The following HNRNPF variants were observed in gnomAD, a reference collection of about 807,000 sequenced individuals.
HNRNPF encodes heterogeneous nuclear ribonucleoprotein F, also known as HnRNP F protein.
HNRNPF carries 2 observed loss-of-function variants against 26.0 expected under a neutral mutation model. The ratio of observed to expected loss-of-function variants is 0.08; its 90% CI spans 0.03 to 0.24. HNRNPF has a LOEUF of 0.24. Among genes scored for constraint, HNRNPF ranks in the 10% least tolerant of loss-of-function variants. The pLI is 1.00. For missense variants in HNRNPF, 299 were observed against 539.2 expected, an observed-to-expected ratio of 0.55 and a Z score of 4.41; for synonymous variants, 234 against 211.5, an observed-to-expected ratio of 1.11 and a Z score of -0.92.
At position 43,397,660 on chromosome 10, in the gene HNRNPF, T is replaced by A. The variant is rs554449436; in HGVS notation, c.-246-1070A>T. Among the ~76,000 whole-genome samples, 368 of 152,222 alleles carry A rather than the reference T, an allele frequency of 2.4e-3. 2 individuals carry two copies. Among genetic ancestry groups the A allele is most frequent in the African/African-American group, 7.6e-3 (315 of 41,528 alleles). On this transcript the variant is annotated intron_variant, in intron 1 of 3. Coordinates refer to ENST00000682386, the MANE Select transcript of HNRNPF (RefSeq NM_001098204.2). The stretch of plus-strand genomic sequence containing the variant: ...TTGAAAAAAAATCTTTGAAAAAAAA[T>A]TTTTTTAACGCAATTCCTAAACTTT...
chr10:43,387,305 A>G lies in HNRNPF; in HGVS notation c.580T>C (p.Tyr194His), dbSNP rs1392471316. 2 of 1,614,088 alleles carry G rather than the reference A, an allele frequency of 1.2e-6. No individual in the cohort carries two copies. The highest frequency in any genetic ancestry group is 1.7e-6 in the Non-Finnish European group (2 of 1,180,046). ...ATGAACTTCAGAGGGGGATCTGAGT[A>G]TGACCTAACTTCCTCCTGGCTGCTC... ...FKSSQEEVRS[Y>H]SDPPLKFMSV... Residue 194 changes from tyrosine to histidine, a missense_variant, in exon 4 of 4, where the codon TAC becomes CAC. Coordinates refer to ENST00000682386, the MANE Select transcript of HNRNPF (RefSeq NM_001098204.2). This position sits in a 1 kb window ranked among gnomAD's most constrained non-coding sequence, Gnocchi z 6.0.
chr10:43,408,545 C>G (rs552888428), intron 1 of HNRNPF, among the ~76,000 whole-genome samples: 1 of 152,218 alleles, frequency 6.6e-6, no homozygotes, highest in Non-Finnish European at 1.5e-5. Flanking sequence ...ATCCCAGCCC[C>G]AGCCCAACGA....
intron 3 of HNRNPF, among the ~76,000 whole-genome samples, chr10:43,390,943 A>C (rs1838219891): frequency 6.6e-6 from 1 of 151,928 alleles, no homozygotes; most frequent in Non-Finnish European, 1.5e-5. Flanking sequence ...CTGACAACCG[A>C]ATGTCTCCAG....
Position 43,387,196 on chromosome 10 carries a change from C to T in HNRNPF, c.689G>A (p.Arg230Lys). The change falls in exon 4 of 4, where the codon AGG becomes AAG. Residue 230 changes from arginine to lysine, a missense_variant. Around this residue, in one of 6 missense-constraint regions of HNRNPF, gnomAD observed 74 missense variants for 77.7 expected, o/e 0.95. Transcript: ENST00000682386. This position sits in a 1 kb window ranked among gnomAD's most constrained non-coding sequence, Gnocchi z 6.0. ...TGTGCTGTAGGCACCAGGCCTCATC[C>T]TTTCCAGGCCTGCCTGCTTCACGAT... The part of the protein sequence containing the change: ...IGIVKQAGLE[R>K]MRPGAYSTGY... 1 of 1,614,210 alleles carries T rather than the reference C, an allele frequency of 6.2e-7. No individual in the cohort carries two copies. Among genetic ancestry groups the T allele is most frequent in the Non-Finnish European group, 8.5e-7 (1 of 1,180,046 alleles).
At chr10:43,391,862 C>T (rs979840712) in intron 3 of HNRNPF, among the ~76,000 whole-genome samples, 1 of 152,176 alleles carries the variant, frequency 6.6e-6, no homozygotes, top group African/African-American at 2.4e-5. Context: ...CTCCCCTGTG[C>T]CAACTTTGCC....
intron 1 of HNRNPF, among the ~76,000 whole-genome samples, chr10:43,402,511 A>C (rs904512989): frequency 4.6e-5 from 7 of 152,198 alleles, no homozygotes; most frequent in African/African-American, 1.7e-4. Context: ...TAAGACTTCT[A>C]GCCTCCATAA....
chr10:43,387,123 G>T lies in HNRNPF; in HGVS notation c.762C>A (p.Gly254=), dbSNP rs780656740. The T allele has an allele frequency of 1.2e-6, 2 of 1,613,856 alleles. No homozygotes were observed. The highest frequency in any genetic ancestry group is 8.5e-7 in the Non-Finnish European group (1 of 1,180,034). The change falls in exon 4 of 4, where the codon GGC becomes GGA. Residue 254 remains glycine (G), a synonymous_variant. Coordinates refer to ENST00000682386, the MANE Select transcript of HNRNPF (RefSeq NM_001098204.2). This position sits in a 1 kb window ranked among gnomAD's most constrained non-coding sequence, Gnocchi z 6.0. ...CTCTCCCGAACAGGTCGGTGGTGAA[G>T]CCGTAGCCATCACTGAGGCCACTGT... is the stretch of plus-strand genomic sequence containing the variant. ...EEYSGLSDGY[G]FTTDLFGRDL...
chr10:43,389,386 C>T (rs527746055), intron 3 of HNRNPF, among the ~76,000 whole-genome samples: 7 of 152,120 alleles, frequency 4.6e-5, no homozygotes, highest in Middle Eastern at 3.4e-3. Context: ...AAGAAAACCC[C>T]ACAATTTAAA....
At chr10:43,407,485 G>C (rs543354603) in intron 1 of HNRNPF, among the ~76,000 whole-genome samples, 4 of 152,254 alleles carry the variant, frequency 2.6e-5, no homozygotes, top group East Asian at 1.9e-4. Context: ...GGCGGCCTTG[G>C]GGGGAGGGCG....
chr10:43,395,048 T>C (rs1838419917), intron 2 of HNRNPF, among the ~76,000 whole-genome samples: 1 of 152,168 alleles, frequency 6.6e-6, no homozygotes, highest in Non-Finnish European at 1.5e-5. Context: ...CCCAAACTCC[T>C]GACCTCAGGT....
In HNRNPF at chr10:43,387,586, C is replaced by T. The variant is rs188872668; in HGVS notation, c.299G>A (p.Ser100Asn). 370 of 1,614,194 alleles carry T rather than the reference C, an allele frequency of 2.3e-4. 3 individuals carry two copies. The highest frequency in any genetic ancestry group is 7.6e-6 in the Non-Finnish European group (9 of 1,180,022). ...GGCGCTGTCGGCACTGTTGGGACCA[C>T]TGTGCTTCAACACCCAATCCATCTC... is the stretch of plus-strand genomic sequence containing the variant. ...RTEMDWVLKH[S>N]GPNSADSAND... Residue 100 changes from serine (S) to asparagine (N), a missense_variant, in exon 4 of 4, where the codon AGT becomes AAT. Coordinates refer to ENST00000682386, the MANE Select transcript of HNRNPF (RefSeq NM_001098204.2). This position sits in a 1 kb window ranked among gnomAD's most constrained non-coding sequence, Gnocchi z 6.0.
intron 1 of HNRNPF, among the ~76,000 whole-genome samples, chr10:43,405,657 G>T (rs1325464110): frequency 7.0e-6 from 1 of 143,520 alleles, no homozygotes; most frequent in South Asian, 2.2e-4. Flanking sequence ...ATTCCGTCTC[G>T]GAAAAAAAAA....
chr10:43,392,623 C>T (rs1838298844), intron 3 of HNRNPF, among the ~76,000 whole-genome samples: 1 of 152,232 alleles, frequency 6.6e-6, no homozygotes, highest in Non-Finnish European at 1.5e-5. Context: ...CTTCATCTTA[C>T]TTAACCATTC....
rs562416261 is a variant in HNRNPF at position 43,399,841 on chromosome 10, T to G, written c.-246-3251A>C. On this transcript the variant is annotated intron_variant, in intron 1 of 3. Coordinates refer to ENST00000682386, the MANE Select transcript of HNRNPF (RefSeq NM_001098204.2). ...ACAGTTCCTGCCTTGGTGGGTCCAG[T>G]AACAGTGGAGTAGGAAATCAAGAAA... 4.6e-5 allele frequency among the ~76,000 whole-genome samples: 7 copies of G among 152,268 alleles called. No individual in the cohort carries two copies. The East Asian group carries it at 1.3e-3, about 29-fold the overall frequency.
chr10:43,401,748 G>C (rs1189596154), intron 1 of HNRNPF, among the ~76,000 whole-genome samples: 1 of 152,112 alleles, frequency 6.6e-6, no homozygotes, highest in Non-Finnish European at 1.5e-5. Context: ...TCAAACCCTG[G>C]AGCTGGAGAG....
At chr10:43,407,667 C>G (rs958369479) in intron 1 of HNRNPF, 4 of 152,106 alleles carry the variant, frequency 2.6e-5, no homozygotes, top group Admixed American at 6.5e-5. Context: ...GACGACTAAG[C>G]TGAAGAGCGC....
At position 43,387,723 on chromosome 10, in the gene HNRNPF, A is replaced by G. The variant is rs1838083906; in HGVS notation, c.162T>C (p.Ser54=). Residue 54 remains serine (S), a synonymous_variant, in exon 4 of 4, where the codon AGT becomes AGC. Coordinates refer to ENST00000682386, the MANE Select transcript of HNRNPF (RefSeq NM_001098204.2). This position sits in a 1 kb window ranked among gnomAD's most constrained non-coding sequence, Gnocchi z 6.0. ...ATCCAAGTTCAACAAAAGCCTCACC[A>G]CTCTGCCTGCCCTCTCTAGTGTAGA... is the stretch of plus-strand genomic sequence containing the variant. ...HFIYTREGRQ[S]GEAFVELGSE... 8 of 1,613,454 alleles carry G rather than the reference A, an allele frequency of 5.0e-6. No homozygotes were observed. Among genetic ancestry groups the G allele is most frequent in the Non-Finnish European group, 5.1e-6 (6 of 1,179,886 alleles).
chr10:43,389,532 A>G (rs912857396), intron 3 of HNRNPF, among the ~76,000 whole-genome samples: 2 of 152,238 alleles, frequency 1.3e-5, no homozygotes, highest in African/African-American at 4.8e-5. Context: ...AGATAATGAC[A>G]TATTATCATA....
chr10:43,403,033 T>C (rs1266998545), intron 1 of HNRNPF, among the ~76,000 whole-genome samples: 2 of 152,152 alleles, frequency 1.3e-5, no homozygotes, highest in African/African-American at 4.8e-5. Context: ...TTTGAAAAGA[T>C]AGGGTCTTGC....
Sources: gnomAD v4.1 joint callset for allele counts (sites outside exome capture counted in the v4.1 genomes callset) on GRCh38, gnomAD v4.1.1 for gene constraint, gnomAD v4.1.1 regional missense constraint, Gnocchi (gnomAD v3.1) non-coding constraint, MANE v1.5 for transcripts, NCBI Gene and HGNC (gene_info 2026-07-23, HGNC 2026-07-21) for gene names.